NDUFA10: variants seen among roughly 807,000 people sequenced by gnomAD.
NDUFA10 encodes NADH dehydrogenase [ubiquinone] 1 alpha subcomplex subunit 10, mitochondrial.
In NDUFA10, 40 loss-of-function variants were observed where a neutral mutation model predicts 47.8. That is an observed-to-expected ratio of 0.84 (90% CI 0.65 to 1.09). The LOEUF (loss-of-function observed/expected upper bound fraction) is 1.09, where lower values mean the gene tolerates loss of function less well. Among genes scored for constraint, NDUFA10 ranks in the 50% least tolerant of loss-of-function variants. The pLI is 0.00. For missense variants in NDUFA10, 413 were observed against 451.1 expected (o/e 0.92, Z 0.76); for synonymous variants, 183 against 172.2 (o/e 1.06, Z -0.49).
chr2:239,930,368 C>A (rs559117850), intron 4 of NDUFA10, among the ~76,000 whole-genome samples: 1 of 152,182 alleles, frequency 6.6e-6, no homozygotes, highest in East Asian at 1.9e-4. Context: ...CCTCCTTCAG[C>A]CGTGCATGCA....
At chr2:239,901,144 C>A (rs1418928012) in intron 4 of NDUFA10, among the ~76,000 whole-genome samples, 1 of 152,212 alleles carries the variant, frequency 6.6e-6, no homozygotes, top group East Asian at 1.9e-4. Flanking sequence ...AGCCAACACT[C>A]TTTTCCATTC....
At chr2:239,897,533 G>A (rs563061753) in intron 4 of NDUFA10, among the ~76,000 whole-genome samples, 1 of 152,302 alleles carries the variant, frequency 6.6e-6, no homozygotes, top group African/African-American at 2.4e-5. Flanking sequence ...GGGAAAAGCT[G>A]ACTATTTTTG....
chr2:239,904,773 G>A (rs113628307), intron 4 of NDUFA10, among the ~76,000 whole-genome samples: 15,294 of 152,222 alleles, frequency 0.1, 879 homozygotes, highest in Non-Finnish European at 0.13. Flanking sequence ...CACTATCTTA[G>A]CTCTGAGGCT....
chr2:240,013,631 T>C (rs143021956), intron 5 of NDUFA10: 120 of 152,360 alleles, frequency 7.9e-4, no homozygotes, highest in African/African-American at 2.7e-3. Context: ...AAGGCATACA[T>C]AGACATCTCG....
Position 239,905,153 on chromosome 2 carries a change from C to A in NDUFA10, c.295-9839G>T, listed in dbSNP as rs540635041. On this transcript the variant is annotated intron_variant, in intron 4 of 5. Transcript: ENST00000419408. ...TATAAACTCACTGGATCCTTCCCAG[C>A]CCAGGGGGTTGAACGCAATGTGTGC... 2.3e-4 allele frequency among the ~76,000 whole-genome samples: 35 copies of A among 152,318 alleles called. 1 individual carries two copies. The highest frequency in any genetic ancestry group is 2.3e-3 in the Admixed American group (35 of 15,306).
chr2:239,973,130 T>C (rs1210394433), intron 9 of NDUFA10, among the ~76,000 whole-genome samples: 4 of 152,210 alleles, frequency 2.6e-5, no homozygotes, highest in Non-Finnish European at 5.9e-5. Context: ...GTTTCTATGA[T>C]TAATTTCCAC....
At chr2:239,981,716 C>T (rs1259093828) in intron 9 of NDUFA10, among the ~76,000 whole-genome samples, 3 of 152,130 alleles carry the variant, frequency 2.0e-5, no homozygotes, top group South Asian at 2.1e-4. Context: ...ATGCATGCAA[C>T]GTCCTGGGCA....
chr2:239,960,829 G>A lies in NDUFA10; in HGVS notation c.*289C>T, dbSNP rs1694824818. On this transcript the variant is annotated 3_prime_UTR_variant, in exon 10 of 10. Coordinates refer to ENST00000252711, the MANE Select transcript of NDUFA10 (RefSeq NM_004544.4). The stretch of plus-strand genomic sequence containing the variant: ...CAGAGCGGCAGCGCTGAAACCACAG[G>A]GGCTGCCGAGAGCTGGCCTTTCACA... The A allele has an allele frequency of 7.5e-7, 1 of 1,330,162 alleles. No homozygotes were observed. The highest frequency in any genetic ancestry group is 1.5e-5 in the South Asian group (1 of 66,096). 82.4% of individuals were successfully genotyped at this position (1,330,162 alleles called of 1,614,324 possible).
Position 239,945,600 on chromosome 2 carries a change from C to T in NDUFA10, c.294+44474G>A, listed in dbSNP as rs918557323. On this transcript the variant is annotated intron_variant, in intron 4 of 5. Transcript: ENST00000419408. This position sits in a 1 kb window ranked among gnomAD's most constrained non-coding sequence, Gnocchi z 4.6. ...GAGGCTCCCTCCAGGGAGGACTTGG[C>T]CACACACTGGTCCTTCATGAACAGT... Among the ~76,000 whole-genome samples the T allele has an allele frequency of 1.3e-5, 2 of 152,178 alleles. No homozygotes were observed. Among genetic ancestry groups the T allele is most frequent in the African/African-American group, 4.8e-5 (2 of 41,438 alleles).
At chr2:239,985,825 C>T (rs777838975) in intron 9 of NDUFA10, among the ~76,000 whole-genome samples, 21 of 150,436 alleles carry the variant, frequency 1.4e-4, no homozygotes, top group African/African-American at 4.7e-4. Flanking sequence ...GCAGCAGAAT[C>T]GCTTGAACCT....
At chr2:239,902,981 A>G (rs1299316035) in intron 4 of NDUFA10, among the ~76,000 whole-genome samples, 2 of 152,204 alleles carry the variant, frequency 1.3e-5, no homozygotes, top group Non-Finnish European at 2.9e-5. Context: ...CACTCAATCT[A>G]TACAACACCC....
intron 4 of NDUFA10, among the ~76,000 whole-genome samples, chr2:239,938,077 G>A (rs555271258): frequency 6.3e-4 from 96 of 152,146 alleles, no homozygotes; most frequent in Admixed American, 2.6e-3. Flanking sequence ...GGACAGCCTC[G>A]GGGATAAGAG....
intron 4 of NDUFA10, among the ~76,000 whole-genome samples, chr2:239,950,926 T>C (rs4853978): frequency 0.77 from 117,263 of 152,186 alleles, 45,528 homozygotes; most frequent in African/African-American, 0.87. Context: ...TTCAAAGAGG[T>C]TTCAAGTCAG....
chr2:239,906,167 A>T lies in NDUFA10; in HGVS notation c.295-10853T>A, dbSNP rs1693651845. Among the ~76,000 whole-genome samples, 1 of 151,594 alleles carries T rather than the reference A, an allele frequency of 6.6e-6. No homozygotes were observed. The highest frequency in any genetic ancestry group is 6.6e-5 in the Admixed American group (1 of 15,216). The stretch of plus-strand genomic sequence containing the variant: ...CCTGCTCTGTGCCTAGATATTTCAC[A>T]CTCCAGCACACCTTTTAACAAGAAC... On this transcript the variant is annotated intron_variant, in intron 4 of 5. Coordinates refer to the NDUFA10 transcript ENST00000419408. The surrounding 1 kb of genome is among the most constrained non-coding windows in gnomAD (Gnocchi z 4.3).
Position 239,960,434 on chromosome 2 carries a change from T to G in NDUFA10, c.*684A>C. On this transcript the variant is annotated 3_prime_UTR_variant, in exon 10 of 10. Transcript: ENST00000252711. ...GTCATCAACAGCCTAAGCTCAAATC[T>G]CCCTTCAAAGGAGTTTGAGACGCTG... 30 of 987,524 alleles carry G rather than the reference T, an allele frequency of 3.0e-5. No homozygotes were observed. The highest frequency in any genetic ancestry group is 3.6e-5 in the Non-Finnish European group (30 of 831,256). 61.2% of individuals were successfully genotyped at this position (987,524 alleles called of 1,614,324 possible).
intron 8 of NDUFA10, among the ~76,000 whole-genome samples, chr2:240,001,684 G>A (rs552046816): frequency 2.6e-5 from 4 of 152,262 alleles, no homozygotes; most frequent in Admixed American, 6.5e-5. Flanking sequence ...CATCACCTAC[G>A]CATCCCTGTC....
chr2:239,983,382 G>A (rs1240259145), intron 9 of NDUFA10: 2 of 1,384,556 alleles, frequency 1.4e-6, no homozygotes, highest in Non-Finnish European at 1.9e-6. Context: ...GTCTCTGATG[G>A]ACAAAAGGAA....
chr2:239,922,005 T>TTTCC (rs1355926235), intron 4 of NDUFA10, among the ~76,000 whole-genome samples: 1 of 69,954 alleles, frequency 1.4e-5, no homozygotes, highest in African/African-American at 4.8e-5. Context: ...TCCTTCCTTC[T>TTTCC]TTCCTTCCTT....
intron 9 of NDUFA10, among the ~76,000 whole-genome samples, chr2:239,963,984 C>T (rs1694959649): frequency 6.6e-6 from 1 of 152,144 alleles, no homozygotes; most frequent in Non-Finnish European, 1.5e-5. Context: ...ACCACACTAG[C>T]GGGGAAGCAG....
Sources: gnomAD v4.1 joint callset for allele counts (sites outside exome capture counted in the v4.1 genomes callset) on GRCh38, gnomAD v4.1.1 for gene constraint, Gnocchi (gnomAD v3.1) non-coding constraint, MANE v1.5 for transcripts, NCBI Gene and HGNC (gene_info 2026-07-23, HGNC 2026-07-21) for gene names.